Variants in GLRX5 observed in about 807,000 individuals in gnomAD.
GLRX5 encodes the protein glutaredoxin 5.
GLRX5 carries 10 observed loss-of-function variants against 13.8 expected under a neutral mutation model. That is an observed-to-expected ratio of 0.72 (90% CI 0.45 to 1.23). The LOEUF is 1.23. GLRX5 is among the 50% of genes most tolerant of loss of function. The pLI, the probability that GLRX5 is intolerant of heterozygous loss-of-function variation, is 0.00. For synonymous variants in GLRX5, 98 were observed against 101.1 expected, an observed-to-expected ratio of 0.97 and a Z score of 0.18; for missense variants, 233 against 215.2, an observed-to-expected ratio of 1.08 and a Z score of -0.52.
At position 95,535,131 on chromosome 14, in the gene GLRX5, C is replaced by T; in HGVS notation, c.42C>T (p.Arg14=). 4 of 1,243,668 alleles carry T rather than the reference C, an allele frequency of 3.2e-6. No individual in the cohort carries two copies. The highest frequency in any genetic ancestry group is 4.0e-6 in the Non-Finnish European group (4 of 988,348). 77.0% of individuals were successfully genotyped at this position (1,243,668 alleles called of 1,614,324 possible). A position where few individuals can be genotyped will look rare whatever the true frequency, so the allele number is the denominator to read the frequency against. ...SLGRAAAALL[R]WGRGAGGGGL... is the part of the protein sequence containing the mutation. The stretch of plus-strand genomic sequence containing the variant: ...GCCGAGCTGCGGCGGCTCTGCTCCG[C>T]TGGGGGCGCGGCGCGGGCGGCGGTG... Residue 14 remains arginine, a synonymous_variant, in exon 1 of 2, where the codon CGC becomes CGT. Coordinates refer to ENST00000331334, the MANE Select transcript of GLRX5 (RefSeq NM_016417.3).
chr14:95,536,774 C>T (rs977728267), intron 1 of GLRX5, among the ~76,000 whole-genome samples: 2 of 149,958 alleles, frequency 1.3e-5, no homozygotes, highest in Non-Finnish European at 2.9e-5. Flanking sequence ...ATTATCTAGT[C>T]CTTAAAGACT....
rs7158611 is a variant in GLRX5, at chr14:95,535,614, C to T, written c.295+230C>T. 0.035 allele frequency among the ~76,000 whole-genome samples: 5,342 copies of T among 152,282 alleles called. 308 individuals carry two copies. The highest frequency in any genetic ancestry group is 0.12 in the African/African-American group (4,959 of 41,550). ...AGGATCTGGGGCTCTGTACTGTTGC[C>T]AACTTGAGCAGTAGGTAAAGTCCTA... On this transcript the variant is annotated intron_variant, in intron 1 of 1. Transcript: ENST00000331334.
At chr14:95,543,217 T>C in intron 1 of GLRX5, 2 of 455,738 alleles carry the variant, frequency 4.4e-6, no homozygotes, top group South Asian at 3.1e-5. Flanking sequence ...TCACTTCGGG[T>C]TCTGCACAGA....
chr14:95,543,363 A>C lies in GLRX5; in HGVS notation c.296-584A>C, dbSNP rs1336534356. 5.9e-5 allele frequency: 20 copies of C among 338,566 alleles called. No individual in the cohort carries two copies. In the East Asian group the frequency reaches 1.2e-3, roughly 21 times the overall value. 21.0% of individuals were successfully genotyped at this position (338,566 alleles called of 1,614,324 possible). A position where few individuals can be genotyped will look rare whatever the true frequency, so the allele number is the denominator to read the frequency against. The stretch of plus-strand genomic sequence containing the variant: ...AATTAAAAAAAAAAAAAACTCAACA[A>C]CTCATCATCTCGAGGAGAAGTGACT... On this transcript the variant is annotated intron_variant, in intron 1 of 1. Coordinates refer to ENST00000331334, the MANE Select transcript of GLRX5 (RefSeq NM_016417.3).
chr14:95,536,531 G>A (rs1268771627), intron 1 of GLRX5, among the ~76,000 whole-genome samples: 2 of 152,148 alleles, frequency 1.3e-5, no homozygotes, highest in Admixed American at 6.5e-5. Flanking sequence ...GAGACAGGCT[G>A]GTGTTTGGAA....
chr14:95,536,484 T>C (rs1418336081), intron 1 of GLRX5, among the ~76,000 whole-genome samples: 3 of 152,182 alleles, frequency 2.0e-5, no homozygotes, highest in Admixed American at 1.3e-4. Context: ...TTACTCTAAA[T>C]TCGAAATTAC....
rs972849547 is a variant in GLRX5, at chr14:95,535,178, GGGCGGCGGGCTCGGGCGCGGGC to G, written c.98_119del (p.Gly33AlafsTer10). The G allele has an allele frequency of 1.1e-5, 16 of 1,471,344 alleles. No individual in the cohort carries two copies. The highest frequency in any genetic ancestry group is 1.4e-5 in the Non-Finnish European group (16 of 1,108,276). The allele number at this position is 1,471,344 out of a possible 1,614,324, so 91.1% of individuals were successfully genotyped here. On this transcript the variant is annotated frameshift_variant, in exon 1 of 2. Transcript: ENST00000331334. LOFTEE classifies it high-confidence loss of function. ...GGTGGCCTTTGGGGTCCGGGCGTGC[GGGCGGCGGGCTCGGGCGCGGGC>G]GGCGGCGGCTCGGCGGAGCAGTTGG...
chr14:95,541,940 T>G (rs974181583), intron 1 of GLRX5, among the ~76,000 whole-genome samples: 2 of 152,232 alleles, frequency 1.3e-5, no homozygotes, highest in Non-Finnish European at 2.9e-5. Context: ...TATTATTCAT[T>G]GAAACAAAAC....
intron 1 of GLRX5, among the ~76,000 whole-genome samples, chr14:95,536,490 A>G (rs113707054): frequency 0.011 from 1,683 of 152,310 alleles, 22 homozygotes; most frequent in South Asian, 0.048. Context: ...TAAATTCGAA[A>G]TTACTAATCA....
Position 95,544,052 on chromosome 14 carries a change from T to C in GLRX5, c.401T>C (p.Leu134Ser). 6.2e-7 allele frequency: 1 copy of C among 1,614,090 alleles called. No homozygotes were observed. Among genetic ancestry groups the C allele is most frequent in the South Asian group, 1.1e-5 (1 of 91,076 alleles). Residue 134 changes from leucine to serine, a missense_variant, in exon 2 of 2, where the codon TTG becomes TCG. Coordinates refer to ENST00000331334, the MANE Select transcript of GLRX5 (RefSeq NM_016417.3). Reference sequence around the variant, plus strand: ...CTGCAGATGCACCAGAATGGGGACTTGGTGGAAGAACTGAAAAAGCTGGGG... The same window carrying C: ...CTGCAGATGCACCAGAATGGGGACTCGGTGGAAGAACTGAAAAAGCTGGGG... ...ILLQMHQNGD[L>S]VEELKKLGIH...
rs538256303 is a variant in GLRX5 at position 95,542,331 on chromosome 14, A to G, written c.296-1616A>G. The stretch of plus-strand genomic sequence containing the variant: ...CTTTATTGGCAGCTGCCAAAGAGCT[A>G]GCTGTTGTTTCTTTACTAGCACCCA... On this transcript the variant is annotated intron_variant, in intron 1 of 1. Coordinates refer to ENST00000331334, the MANE Select transcript of GLRX5 (RefSeq NM_016417.3). Among the ~76,000 whole-genome samples the G allele has an allele frequency of 9.5e-4, 145 of 152,338 alleles. 2 individuals carry two copies. The highest frequency in any genetic ancestry group is 3.4e-3 in the Middle Eastern group (1 of 294).
rs1566705362 is a variant in GLRX5, at chr14:95,543,986, T to G, written c.335T>G (p.Val112Gly). 6.2e-7 allele frequency: 1 copy of G among 1,614,144 alleles called. No individual in the cohort carries two copies. Among genetic ancestry groups the G allele is most frequent in the East Asian group, 2.2e-5 (1 of 44,894 alleles). Residue 112 changes from valine (V) to glycine (G), a missense_variant, in exon 2 of 2, where the codon GTG (valine) becomes GGG (glycine). Val to Gly is a moderately radical substitution (Grantham distance 109). Transcript: ENST00000331334. The part of the protein sequence containing the change: ...DYSNWPTIPQ[V>G]YLNGEFVGGC... ...TCCAACTGGCCCACCATCCCGCAAG[T>G]GTACCTCAATGGCGAGTTTGTAGGG... is the stretch of plus-strand genomic sequence containing the variant.
At position 95,544,427 on chromosome 14, in the gene GLRX5, C is replaced by A; in HGVS notation, c.*302C>A. On this transcript the variant is annotated 3_prime_UTR_variant, in exon 2 of 2. Coordinates refer to ENST00000331334, the MANE Select transcript of GLRX5 (RefSeq NM_016417.3). The stretch of plus-strand genomic sequence containing the variant: ...GCCTGATTCAGAAGTTAAATAGGAG[C>A]TTTGGAATCATTATTCATGACCCCT... The A allele has an allele frequency of 2.8e-6, 1 of 357,210 alleles. No individual in the cohort carries two copies. The allele number at this position is 357,210 out of a possible 1,614,324, so 22.1% of individuals were successfully genotyped here.
intron 1 of GLRX5, among the ~76,000 whole-genome samples, chr14:95,536,172 A>G (rs6575521): frequency 0.56 from 85,837 of 151,996 alleles, 25,122 homozygotes; most frequent in South Asian, 0.74. Context: ...GGCACCAGGG[A>G]CCAGATGGAT....
chr14:95,538,757 T>C (rs565786789), intron 1 of GLRX5, among the ~76,000 whole-genome samples: 4 of 152,238 alleles, frequency 2.6e-5, no homozygotes, highest in Non-Finnish European at 5.9e-5. Flanking sequence ...TTTTGTTGCA[T>C]CTATTCAACT....
chr14:95,539,910 T>TGA (rs1891445051), intron 1 of GLRX5, among the ~76,000 whole-genome samples: 14 of 141,036 alleles, frequency 9.9e-5, no homozygotes, highest in Non-Finnish European at 2.0e-4. Context: ...TTTTTTTTTT[T>TGA]GAGAGAGTGT....
In GLRX5 at chr14:95,544,186, A is replaced by G; in HGVS notation, c.*61A>G. ...GTTCATGTCAGAGACTCACTGCCAG[A>G]AAAGCCTTACCCATTTTGGTTTTCA... On this transcript the variant is annotated 3_prime_UTR_variant, in exon 2 of 2. Coordinates refer to ENST00000331334, the MANE Select transcript of GLRX5 (RefSeq NM_016417.3). 1 of 1,468,846 alleles carries G rather than the reference A, an allele frequency of 6.8e-7. No individual in the cohort carries two copies. Among genetic ancestry groups the G allele is most frequent in the Admixed American group, 1.8e-5 (1 of 55,256 alleles). The allele number at this position is 1,468,846 out of a possible 1,614,324, so 91.0% of individuals were successfully genotyped here.
At chr14:95,540,319 G>A (rs1273815603) in intron 1 of GLRX5, among the ~76,000 whole-genome samples, 3 of 152,142 alleles carry the variant, frequency 2.0e-5, no homozygotes, top group Non-Finnish European at 4.4e-5. Flanking sequence ...ATGTTGGTAT[G>A]GAGAGAATGT....
intron 1 of GLRX5, among the ~76,000 whole-genome samples, chr14:95,535,659 T>G (rs1891360959): frequency 6.6e-6 from 1 of 152,228 alleles, no homozygotes; most frequent in African/African-American, 2.4e-5. Context: ...TTATCCTCAC[T>G]TCGAGCTAAT....
Sources: allele counts gnomAD v4.1 joint callset (sites outside exome capture counted in the v4.1 genomes callset), GRCh38; gene constraint gnomAD v4.1.1; transcripts MANE v1.5; gene names NCBI Gene and HGNC (gene_info 2026-07-23, HGNC 2026-07-21).